Variants in TEAD1 observed in about 807,000 individuals in gnomAD.
TEAD1 encodes the protein transcriptional enhancer factor TEF-1.
Under a neutral mutation model 54.9 loss-of-function variants are expected in TEAD1, and 9 were observed. The ratio of observed to expected loss-of-function variants is 0.16; its 90% confidence interval spans 0.10 to 0.29. The LOEUF is 0.29. Among genes scored for constraint, TEAD1 ranks in the 10% least tolerant of loss-of-function variants. TEAD1 has a pLI of 1.00. For synonymous variants in TEAD1, 200 were observed against 187.8 expected (o/e 1.07, Z -0.53); for missense variants, 387 against 535.9 (o/e 0.72, Z 2.74).
At chr11:12,925,739 C>T (rs1188470964) in intron 11 of TEAD1, among the ~76,000 whole-genome samples, 1 of 152,040 alleles carries the variant, frequency 6.6e-6, no homozygotes, top group African/African-American at 2.4e-5. Context: ...CCCTGCCACT[C>T]AGAATGATGC....
intron 9 of TEAD1, among the ~76,000 whole-genome samples, chr11:12,900,258 A>T (rs939194549): frequency 6.7e-6 from 1 of 149,988 alleles, no homozygotes; most frequent in Admixed American, 6.6e-5. Context: ...GAGATGTCTC[A>T]CTGTGTTGTC....
chr11:12,815,094 G>A (rs934232705), intron 3 of TEAD1, among the ~76,000 whole-genome samples: 5 of 152,136 alleles, frequency 3.3e-5, no homozygotes, highest in South Asian at 2.1e-4. Flanking sequence ...CATCAAAGCC[G>A]GGCTTTGTTT....
At chr11:12,719,976 TTTTTTTTTTTTTTTTTTTGG>T (rs1944155876) in intron 2 of TEAD1, among the ~76,000 whole-genome samples, 3 of 64,358 alleles carry the variant, frequency 4.7e-5, no homozygotes, top group East Asian at 7.7e-4. Flanking sequence ...TTTTTTTTTT[TTTTTTTTTTTTTTTTTTTGG>T]GGGGGGACCC....
chr11:12,679,069 G>A (rs144165353), intron 2 of TEAD1, among the ~76,000 whole-genome samples: 35 of 152,206 alleles, frequency 2.3e-4, no homozygotes, highest in African/African-American at 8.2e-4. Context: ...CCAATAGTCC[G>A]GGAGTCTTGG....
intron 3 of TEAD1, among the ~76,000 whole-genome samples, chr11:12,765,910 G>C (rs186136157): frequency 1.2e-3 from 182 of 152,276 alleles, no homozygotes; most frequent in African/African-American, 4.0e-3. Context: ...CTTCATCTCA[G>C]CCTGGCTATT....
chr11:12,842,145 A>C (rs952349640), intron 3 of TEAD1, among the ~76,000 whole-genome samples: 2 of 152,192 alleles, frequency 1.3e-5, no homozygotes, highest in Admixed American at 6.5e-5. Context: ...TTGTCATAAC[A>C]CATTATAATA....
intron 3 of TEAD1, among the ~76,000 whole-genome samples, chr11:12,854,994 T>C (rs1023881774): frequency 2.6e-5 from 4 of 152,204 alleles, no homozygotes; most frequent in African/African-American, 9.6e-5. Context: ...CCAGCTTCCG[T>C]AGGCCTCCTT....
At chr11:12,812,401 TA>T (rs1256304844) in intron 3 of TEAD1, among the ~76,000 whole-genome samples, 1 of 152,154 alleles carries the variant, frequency 6.6e-6, no homozygotes, top group Non-Finnish European at 1.5e-5. Flanking sequence ...AAAGAGTACT[TA>T]ACTATTTGCT....
intron 3 of TEAD1, among the ~76,000 whole-genome samples, chr11:12,855,527 A>G (rs1173896929): frequency 1.3e-5 from 2 of 152,038 alleles, no homozygotes; most frequent in African/African-American, 4.8e-5. Context: ...TGACTGCGTG[A>G]TCCACCTGCC....
intron 2 of TEAD1, among the ~76,000 whole-genome samples, chr11:12,723,589 A>G (rs998753331): frequency 1.3e-5 from 2 of 152,004 alleles, no homozygotes; most frequent in African/African-American, 4.8e-5. Context: ...TTCTCCTTAG[A>G]TTCTCCTTTG....
At chr11:12,809,974 C>CTTTTTTTTT (rs55647097) in intron 3 of TEAD1, among the ~76,000 whole-genome samples, 5 of 115,646 alleles carry the variant, frequency 4.3e-5, no homozygotes, top group African/African-American at 1.1e-4. Context: ...TTTCCCCATT[C>CTTTTTTTTT]TTTTTTTTTT....
intron 2 of TEAD1, among the ~76,000 whole-genome samples, chr11:12,700,471 TAAAC>T (rs1943675746): frequency 6.6e-6 from 1 of 152,216 alleles, no homozygotes; most frequent in African/African-American, 2.4e-5. Context: ...AACCAAATCA[TAAAC>T]ATACAGTACA....
intron 10 of TEAD1, among the ~76,000 whole-genome samples, chr11:12,920,129 G>C (rs1012151444): frequency 5.9e-5 from 9 of 152,154 alleles, no homozygotes; most frequent in Admixed American, 5.2e-4. Flanking sequence ...GTAGAGTGCT[G>C]GTTATTGTTG....
At chr11:12,807,510 C>T (rs1001243792) in intron 3 of TEAD1, among the ~76,000 whole-genome samples, 12 of 152,150 alleles carry the variant, frequency 7.9e-5, no homozygotes, top group African/African-American at 1.4e-4. Flanking sequence ...TCAGTTTTCT[C>T]ATCAGTAAAG....
intron 9 of TEAD1, among the ~76,000 whole-genome samples, chr11:12,892,954 G>A (rs555280329): frequency 6.6e-6 from 1 of 152,294 alleles, no homozygotes; most frequent in African/African-American, 2.4e-5. Context: ...TGTGGCCTGG[G>A]CGGAATTTTC....
intron 3 of TEAD1, among the ~76,000 whole-genome samples, chr11:12,772,317 G>GCCATTTGGTTAGTT (rs1166435813): frequency 6.6e-6 from 1 of 152,192 alleles, no homozygotes; most frequent in African/African-American, 2.4e-5. Flanking sequence ...GAGACACTTG[G>GCCATTTGGTTAGTT]CCATTTGGTT....
chr11:12,753,126 G>A (rs1342282960), intron 2 of TEAD1, among the ~76,000 whole-genome samples: 1 of 151,606 alleles, frequency 6.6e-6, no homozygotes, highest in Non-Finnish European at 1.5e-5. Flanking sequence ...TTACAGATGT[G>A]TTCCACAGCG....
chr11:12,688,980 C>G lies in TEAD1; in HGVS notation c.-55+13419C>G, dbSNP rs139911673. 2.1e-3 allele frequency among the ~76,000 whole-genome samples: 320 copies of G among 151,342 alleles called. 1 individual carries two copies. The highest frequency in any genetic ancestry group is 7.0e-3 in the African/African-American group (291 of 41,296). ...GTTTTAAGCTTTGCCCCAGCTTCCC[C>G]TCTTGCTGGATTTCCTGCTTTGTTG... On this transcript the variant is annotated intron_variant, in intron 2 of 12. Transcript: ENST00000527636.
chr11:12,909,537 G>A (rs1205451749), intron 10 of TEAD1, among the ~76,000 whole-genome samples: 1 of 151,538 alleles, frequency 6.6e-6, no homozygotes, highest in Non-Finnish European at 1.5e-5. Context: ...GGTGGGGGGC[G>A]AGGGGAGGGA....
Sources: allele counts gnomAD v4.1 joint callset (sites outside exome capture counted in the v4.1 genomes callset), GRCh38; gene constraint gnomAD v4.1.1; transcripts MANE v1.5; gene names NCBI Gene and HGNC (gene_info 2026-07-23, HGNC 2026-07-21).